The following DCC variants were observed in gnomAD, a reference collection of about 807,000 sequenced individuals.
DCC encodes netrin receptor DCC.
A neutral mutation model predicts 172.5 loss-of-function variants in DCC; 58 were observed. The observed-to-expected ratio is 0.34, with a 90% CI of 0.27 to 0.42. The LOEUF is 0.42. Ranked by LOEUF, DCC falls within the 10% of genes least tolerant of loss-of-function variation. DCC has a pLI of 1.00. For missense variants in DCC, 1,740 were observed against 1,791.0 expected, an observed-to-expected ratio of 0.97 and a Z score of 0.51; for synonymous variants, 709 against 644.5, an observed-to-expected ratio of 1.10 and a Z score of -1.52.
intron 5 of DCC, among the ~76,000 whole-genome samples, chr18:53,002,866 G>A (rs919762082): frequency 1.3e-5 from 2 of 152,144 alleles, no homozygotes; most frequent in Non-Finnish European, 2.9e-5. Context: ...TGGCTCTCCA[G>A]TGAGGAGCTG....
chr18:53,389,336 AAT>A (rs1184913207), intron 16 of DCC, among the ~76,000 whole-genome samples: 1 of 152,238 alleles, frequency 6.6e-6, no homozygotes, highest in Non-Finnish European at 1.5e-5. Context: ...TTCAAATATT[AAT>A]AGTTTCTGAC....
chr18:52,751,783 T>C (rs1412639588), intron 1 of DCC, among the ~76,000 whole-genome samples: 6 of 152,158 alleles, frequency 3.9e-5, no homozygotes, highest in Admixed American at 3.9e-4. Context: ...CTGACTGATA[T>C]GTGGTAATAA....
chr18:52,428,867 C>A (rs1399698201), intron 1 of DCC, among the ~76,000 whole-genome samples: 2 of 152,062 alleles, frequency 1.3e-5, no homozygotes, highest in African/African-American at 2.4e-5. Context: ...ATAATTAACA[C>A]TGTGGCTAGT....
intron 14 of DCC, among the ~76,000 whole-genome samples, chr18:53,323,156 C>T (rs571551148): frequency 6.4e-4 from 97 of 152,158 alleles, no homozygotes; most frequent in African/African-American, 2.3e-3. Context: ...GTTTTTAAAT[C>T]TCTCTTTCCA....
At chr18:53,339,666 A>G (rs759596973) in intron 14 of DCC, 47 bp from the exon 15 acceptor site, 11 of 1,471,864 alleles carry the variant, frequency 7.5e-6, no homozygotes, top group Non-Finnish European at 1.0e-5. Context: ...GCCGTGCTAC[A>G]TTTTCTGTTA....
intron 15 of DCC, among the ~76,000 whole-genome samples, chr18:53,344,704 G>T (rs757088113): frequency 2.0e-5 from 3 of 151,570 alleles, no homozygotes; most frequent in Non-Finnish European, 2.9e-5. Flanking sequence ...CCTCTCAAGT[G>T]CTGGGACTGC....
At chr18:53,204,549 G>GAAA (rs71175567) in intron 9 of DCC, among the ~76,000 whole-genome samples, 2 of 140,290 alleles carry the variant, frequency 1.4e-5, no homozygotes, top group African/African-American at 2.6e-5. Flanking sequence ...TCTGTTTCTG[G>GAAA]AAAAAAAAAA....
chr18:53,217,262 TACACACAC>T (rs36226906), intron 12 of DCC, among the ~76,000 whole-genome samples: 31,650 of 133,128 alleles, frequency 0.24, 3,923 homozygotes, highest in East Asian at 0.46. Context: ...ATATATATTA[TACACACAC>T]ACACACACAC....
intron 12 of DCC, among the ~76,000 whole-genome samples, chr18:53,226,948 A>ATTTTTTTTTTTTTTTT (rs397976119): frequency 3.8e-5 from 2 of 52,948 alleles, no homozygotes; most frequent in Non-Finnish European, 8.0e-5. Flanking sequence ...ATATATATAT[A>ATTTTTTTTTTTTTTTT]TTTTTTTTTT....
chr18:52,926,921 A>ATATACACACATT (rs1383013185), intron 5 of DCC, among the ~76,000 whole-genome samples: 4 of 107,262 alleles, frequency 3.7e-5, no homozygotes, highest in African/African-American at 1.3e-4. Context: ...ACGTATACAT[A>ATATACACACATT]TATATGTATA....
intron 5 of DCC, among the ~76,000 whole-genome samples, chr18:52,978,659 T>C (rs1018235006): frequency 1.3e-5 from 2 of 152,090 alleles, no homozygotes; most frequent in African/African-American, 2.4e-5. Flanking sequence ...AGGACTCAAT[T>C]CCAGAAGCCA....
intron 2 of DCC, among the ~76,000 whole-genome samples, chr18:52,780,903 G>GA (rs2037528160): frequency 6.6e-6 from 1 of 152,144 alleles, no homozygotes; most frequent in South Asian, 2.1e-4. Context: ...GTGGTGAAAA[G>GA]ATTGGGATTG....
At chr18:52,479,418 A>G (rs887299194) in intron 1 of DCC, among the ~76,000 whole-genome samples, 1 of 152,144 alleles carries the variant, frequency 6.6e-6, no homozygotes, top group Non-Finnish European at 1.5e-5. Flanking sequence ...TGAAATTTTC[A>G]TCTGTAGCCT....
intron 1 of DCC, among the ~76,000 whole-genome samples, chr18:52,542,725 G>A (rs2032496006): frequency 6.6e-6 from 1 of 152,116 alleles, no homozygotes; most frequent in Admixed American, 6.6e-5. Flanking sequence ...TGTAATCCCA[G>A]CTACTCGAGA....
intron 2 of DCC, among the ~76,000 whole-genome samples, chr18:52,876,158 G>A (rs983980626): frequency 6.6e-6 from 1 of 152,038 alleles, no homozygotes; most frequent in African/African-American, 2.4e-5. Flanking sequence ...AAACAATAGA[G>A]GGCAACTAAA....
At chr18:53,214,590 A>G (rs538499609) in intron 11 of DCC, among the ~76,000 whole-genome samples, 1 of 152,184 alleles carries the variant, frequency 6.6e-6, no homozygotes, top group South Asian at 2.1e-4. Context: ...AATGCCTGAG[A>G]ACTTTTCTAT....
chr18:52,776,177 A>G (rs1307617852), intron 2 of DCC, among the ~76,000 whole-genome samples: 1 of 152,202 alleles, frequency 6.6e-6, no homozygotes, highest in Non-Finnish European at 1.5e-5. Context: ...TAGAAAAATA[A>G]AATAATCCCA....
intron 5 of DCC, among the ~76,000 whole-genome samples, chr18:52,930,975 T>TA (rs2040298611): frequency 6.6e-6 from 1 of 151,888 alleles, no homozygotes; most frequent in East Asian, 1.9e-4. Context: ...AAAATAGTGA[T>TA]ATGTTTATAT....
intron 2 of DCC, among the ~76,000 whole-genome samples, chr18:52,821,373 C>T (rs536076417): frequency 6.6e-6 from 1 of 152,286 alleles, no homozygotes; most frequent in South Asian, 2.1e-4. Flanking sequence ...AGATTGTTCT[C>T]AACAGCCTAA....
Sources: gnomAD v4.1 joint callset for allele counts (sites outside exome capture counted in the v4.1 genomes callset) on GRCh38, gnomAD v4.1.1 for gene constraint, MANE v1.5 for transcripts, NCBI Gene and HGNC (gene_info 2026-07-23, HGNC 2026-07-21) for gene names.